The following LRP5 variants were observed in gnomAD, a reference collection of about 807,000 sequenced individuals.
LRP5 encodes the protein LDL receptor related protein 5.
Under a neutral mutation model 154.1 loss-of-function variants are expected in LRP5, and 62 were observed. The observed-to-expected ratio is 0.40, with a 90% CI of 0.33 to 0.50. The LOEUF (loss-of-function observed/expected upper bound fraction) is 0.50. Ranked by LOEUF, LRP5 falls within the 20% of genes least tolerant of loss-of-function variation. LRP5 has a pLI of 0.55. For synonymous variants in LRP5, 966 were observed against 1,011.5 expected (o/e 0.96, Z 0.85); for missense variants, 1,915 against 2,336.7 (o/e 0.82, Z 3.72).
At chr11:68,405,469 C>CA (rs772035158) in intron 8 of LRP5, among the ~76,000 whole-genome samples, 6,987 of 55,314 alleles carry the variant, frequency 0.13, 337 homozygotes, top group Middle Eastern at 0.25. Flanking sequence ...GACCCTGTCT[C>CA]AAAAAAAAAA....
At chr11:68,434,210 C>T (rs2098673590) in intron 18 of LRP5, among the ~76,000 whole-genome samples, 1 of 152,192 alleles carries the variant, frequency 6.6e-6, no homozygotes, top group South Asian at 2.1e-4. Context: ...GTGCTTAAGC[C>T]TGAGTGGTTT....
intron 2 of LRP5, among the ~76,000 whole-genome samples, chr11:68,357,251 A>G (rs1376751016): frequency 6.6e-6 from 1 of 152,172 alleles, no homozygotes; most frequent in African/African-American, 2.4e-5. Context: ...TCATTTCTTT[A>G]TACCACTAAA....
Position 68,403,721 on chromosome 11 carries a change from C to T in LRP5, c.1801+22C>T, listed in dbSNP as rs189739295. The T allele has an allele frequency of 1.0e-4, 164 of 1,612,172 alleles. No individual in the cohort carries two copies. The African/African-American group carries it at 1.8e-3, about 18-fold the overall frequency. On this transcript the variant is annotated intron_variant, in intron 8 of 22. Coordinates refer to ENST00000294304, the MANE Select transcript of LRP5 (RefSeq NM_002335.4). ...GTCGGTGAGTCCGGGGGGTCCCAAG[C>T]CATGGCTCAGCCATGCAGACTTGCA...
chr11:68,360,773 G>A (rs1260547881), intron 3 of LRP5, among the ~76,000 whole-genome samples: 10 of 152,150 alleles, frequency 6.6e-5, no homozygotes, highest in East Asian at 3.9e-4. Context: ...CGAGGCGGGC[G>A]GATTACGAGG....
rs72934434 is a variant in LRP5 at position 68,413,198 on chromosome 11, C to T, written c.2504-491C>T. The T allele has an allele frequency of 0.02, 5,026 of 253,090 alleles. 63 individuals carry two copies. The highest frequency in any genetic ancestry group is 0.028 in the Non-Finnish European group (3,574 of 128,904). 15.7% of individuals were successfully genotyped at this position (253,090 alleles called of 1,614,324 possible). Reference sequence around the variant, plus strand: ...AAATGATTAAGCTCATTAATCACCCCGGAGTGAGGACAGACTCAGATGAAA... The same window carrying T: ...AAATGATTAAGCTCATTAATCACCCTGGAGTGAGGACAGACTCAGATGAAA... On this transcript the variant is annotated intron_variant, in intron 11 of 22. Coordinates refer to ENST00000294304, the MANE Select transcript of LRP5 (RefSeq NM_002335.4). This position sits in a 1 kb window ranked among gnomAD's most constrained non-coding sequence, Gnocchi z 5.1.
chr11:68,370,693 G>A (rs58500312), intron 5 of LRP5, among the ~76,000 whole-genome samples: 1 of 152,196 alleles, frequency 6.6e-6, no homozygotes, highest in Non-Finnish European at 1.5e-5. Context: ...GCCCTCAGCC[G>A]TGAGAGGCAC....
intron 6 of LRP5, among the ~76,000 whole-genome samples, chr11:68,387,201 GC>G (rs1393902595): frequency 1.3e-5 from 2 of 150,980 alleles, no homozygotes; most frequent in African/African-American, 2.4e-5. Flanking sequence ...TACAACCTCT[GC>G]CTCCTGGGCT....
Position 68,410,133 on chromosome 11 carries a change from A to T in LRP5, c.2311A>T (p.Thr771Ser). The T allele has an allele frequency of 6.2e-7, 1 of 1,613,488 alleles. No homozygotes were observed. The highest frequency in any genetic ancestry group is 8.5e-7 in the Non-Finnish European group (1 of 1,179,860). Residue 771 changes from threonine to serine, a missense_variant, in exon 10 of 23, where the codon ACC (threonine) becomes TCC (serine). By Grantham distance (58) the Thr-to-Ser change is moderately conservative. Around this residue, in one of 3 missense-constraint regions of LRP5, gnomAD observed 773 missense variants for 1,100.9 expected, o/e 0.70. Coordinates refer to ENST00000294304, the MANE Select transcript of LRP5 (RefSeq NM_002335.4). ...DNPRSLALDP[T>S]KGYIYWTEWG... ...CCCGAGGTCGCTGGCCCTGGATCCC[A>T]CCAAGGGGTAAGTGTTTGCCTGTCC...
At chr11:68,443,001 G>T (rs77547665) in intron 21 of LRP5, among the ~76,000 whole-genome samples, 10 of 152,080 alleles carry the variant, frequency 6.6e-5, no homozygotes, top group African/African-American at 2.4e-4. Context: ...CTCCTGCTGC[G>T]GTTGAACCTT....
intron 18 of LRP5, among the ~76,000 whole-genome samples, chr11:68,434,965 A>T (rs537003576): frequency 1.1e-4 from 16 of 152,204 alleles, no homozygotes; most frequent in Non-Finnish European, 2.2e-4. Context: ...AATTTTATGG[A>T]GGCTGTAGAC....
chr11:68,439,821 G>T lies in LRP5; in HGVS notation c.4393G>T (p.Gly1465Trp), dbSNP rs771501940. Residue 1465 changes from glycine to tryptophan, a missense_variant, in exon 21 of 23, where the codon GGG becomes TGG. This residue lies in a region of LRP5 where 1,094 missense variants were observed against 1,210.1 expected (regional missense o/e 0.90). Coordinates refer to ENST00000294304, the MANE Select transcript of LRP5 (RefSeq NM_002335.4). Reference sequence around the variant, plus strand: ...CATGATGAGCTCCGTGAGCCTGATGGGGGGCCGGGGCGGGGTGCCCCTCTA... The same window carrying T: ...CATGATGAGCTCCGTGAGCCTGATGTGGGGCCGGGGCGGGGTGCCCCTCTA... ...KSMMSSVSLM[G>W]GRGGVPLYDR... The T allele has an allele frequency of 6.2e-7, 1 of 1,611,704 alleles. No homozygotes were observed.
At chr11:68,332,346 G>A (rs1173622802) in intron 1 of LRP5, among the ~76,000 whole-genome samples, 1 of 152,192 alleles carries the variant, frequency 6.6e-6, no homozygotes, top group African/African-American at 2.4e-5. Context: ...GGGAGGGATG[G>A]GTCCACGGCC....
chr11:68,373,092 G>C (rs1308121234), intron 5 of LRP5, among the ~76,000 whole-genome samples: 1 of 152,182 alleles, frequency 6.6e-6, no homozygotes, highest in African/African-American at 2.4e-5. Flanking sequence ...AGCATGGCTG[G>C]AAACATCTCG....
At chr11:68,304,490 A>G in the LRP5 span, among the ~76,000 whole-genome samples, 1 of 152,264 alleles carries the variant, frequency 6.6e-6, no homozygotes, top group African/African-American at 2.4e-5. Flanking sequence ...GAGGCCCCAC[A>G]TAGAGTCCCC....
At chr11:68,418,091 T>C (rs1029193693) in intron 13 of LRP5, among the ~76,000 whole-genome samples, 1 of 152,132 alleles carries the variant, frequency 6.6e-6, no homozygotes, top group Non-Finnish European at 1.5e-5. Flanking sequence ...TAGTGTAGAA[T>C]TCCAGGACAG....
chr11:68,304,708 T>G, the LRP5 span, among the ~76,000 whole-genome samples: 5 of 152,374 alleles, frequency 3.3e-5, no homozygotes, highest in East Asian at 9.6e-4. Flanking sequence ...TGCACCAGTG[T>G]GCCCTGGCTA....
intron 7 of LRP5, 53 bp from the exon 8 acceptor site, chr11:68,403,430 T>A (rs1429118457): frequency 6.5e-7 from 1 of 1,548,928 alleles, no homozygotes; most frequent in African/African-American, 1.4e-5. Flanking sequence ...CCGGGTTGGC[T>A]CTCGTTGGTG....
At chr11:68,343,985 G>A (rs969838896) in intron 1 of LRP5, among the ~76,000 whole-genome samples, 15 of 152,136 alleles carry the variant, frequency 9.9e-5, no homozygotes, top group African/African-American at 3.4e-4. Flanking sequence ...CTGCAGGCTG[G>A]GTGGTGCAGG....
intron 17 of LRP5, among the ~76,000 whole-genome samples, chr11:68,430,865 C>T (rs1455815007): frequency 6.6e-6 from 1 of 152,182 alleles, no homozygotes; most frequent in Admixed American, 6.5e-5. Flanking sequence ...CTGTCACTTC[C>T]CAGTTGAGTG....
Sources: allele counts gnomAD v4.1 joint callset (sites outside exome capture counted in the v4.1 genomes callset), GRCh38; gene constraint gnomAD v4.1.1; regional missense constraint gnomAD v4.1.1; non-coding constraint Gnocchi (gnomAD v3.1); transcripts MANE v1.5; gene names NCBI Gene and HGNC (gene_info 2026-07-23, HGNC 2026-07-21).